NDST4: variants seen among roughly 807,000 people sequenced by gnomAD.
NDST4 encodes N-heparan sulfate sulfotransferase 4.
In NDST4, 63 loss-of-function variants were observed where a neutral mutation model predicts 100.8. The observed-to-expected ratio is 0.62, with a 90% CI of 0.51 to 0.77. The LOEUF (loss-of-function observed/expected upper bound fraction) is 0.77. Ranked by LOEUF, NDST4 falls within the 30% of genes least tolerant of loss-of-function variation. NDST4 has a pLI of 0.00. For missense variants in NDST4, 943 were observed against 1,018.4 expected, an observed-to-expected ratio of 0.93 and a Z score of 1.01; for synonymous variants, 377 against 361.8, an observed-to-expected ratio of 1.04 and a Z score of -0.48.
chr4:114,995,862 A>G (rs1348608150), intron 2 of NDST4, among the ~76,000 whole-genome samples: 1 of 152,072 alleles, frequency 6.6e-6, no homozygotes, highest in African/African-American at 2.4e-5. Context: ...AGTTTCCTGA[A>G]CCTTAGTTTT....
intron 6 of NDST4, among the ~76,000 whole-genome samples, chr4:114,906,812 T>A (rs182767282): frequency 2.0e-5 from 3 of 152,054 alleles, no homozygotes; most frequent in Admixed American, 2.0e-4. Flanking sequence ...CTTAAAGGTA[T>A]CTAGATCCAG....
At chr4:114,855,078 T>G (rs1421892415) in intron 7 of NDST4, among the ~76,000 whole-genome samples, 1 of 152,222 alleles carries the variant, frequency 6.6e-6, no homozygotes, top group Non-Finnish European at 1.5e-5. Flanking sequence ...TTGTATATCT[T>G]CTTTTGAGAA....
At chr4:114,953,028 T>TTTC (rs1726055722) in intron 4 of NDST4, among the ~76,000 whole-genome samples, 1 of 151,148 alleles carries the variant, frequency 6.6e-6, no homozygotes, top group Admixed American at 6.6e-5. Context: ...TTCTTTTTTT[T>TTTC]TTTCTTTTTT....
At chr4:114,965,238 G>A (rs1417440309) in intron 4 of NDST4, among the ~76,000 whole-genome samples, 1 of 151,936 alleles carries the variant, frequency 6.6e-6, no homozygotes, top group East Asian at 1.9e-4. Flanking sequence ...ATACTGTAAA[G>A]CATTGTCAAC....
In NDST4 at chr4:114,864,762, T is replaced by C. The variant is rs187494174; in HGVS notation, c.1719+6006A>G. ...AGAACTCCTGTAGCACTTAATAGAC[T>C]GATTTGTCAAACTTTGCTACAAAGT... On this transcript the variant is annotated intron_variant, in intron 7 of 13. Coordinates refer to ENST00000264363, the MANE Select transcript of NDST4 (RefSeq NM_022569.3). 1.6e-3 allele frequency among the ~76,000 whole-genome samples: 244 copies of C among 152,274 alleles called. 1 individual carries two copies. Among genetic ancestry groups the C allele is most frequent in the Admixed American group, 2.7e-3 (41 of 15,302 alleles).
intron 4 of NDST4, among the ~76,000 whole-genome samples, chr4:114,947,921 A>T (rs1016621865): frequency 6.6e-6 from 1 of 152,038 alleles, no homozygotes; most frequent in Non-Finnish European, 1.5e-5. Context: ...ATGCCTGTGT[A>T]TGTGAAGAAG....
At chr4:114,987,501 C>T (rs1025054292) in intron 2 of NDST4, among the ~76,000 whole-genome samples, 1 of 152,080 alleles carries the variant, frequency 6.6e-6, no homozygotes, top group African/African-American at 2.4e-5. Flanking sequence ...CCTTCTTCTT[C>T]AAGTGATTAT....
chr4:114,935,238 C>A lies in NDST4; in HGVS notation c.1504G>T (p.Gly502Cys). ...AGAAGGATTGTGAGAAAAAGTTCAC[C>A]TCCTCTGATACTTTTATCCAGTTCT... ...PQELDKSIRG[G>C]ELFLTILLNP... The change falls in exon 6 of 14, where the codon GGT (glycine) becomes TGT (cysteine). Residue 502 changes from glycine (G) to cysteine (C), a missense_variant. Physicochemically the swap from Gly to Cys is radical, Grantham distance 159. Around this residue, in one of 2 missense-constraint regions of NDST4, gnomAD observed 526 missense variants for 634.1 expected, o/e 0.83. Transcript: ENST00000264363. 1 of 1,607,434 alleles carries A rather than the reference C, an allele frequency of 6.2e-7. No individual in the cohort carries two copies. The highest frequency in any genetic ancestry group is 8.5e-7 in the Non-Finnish European group (1 of 1,176,962).
chr4:114,972,229 G>T (rs1028236977), intron 3 of NDST4, among the ~76,000 whole-genome samples: 3 of 151,922 alleles, frequency 2.0e-5, no homozygotes, highest in Admixed American at 2.0e-4. Flanking sequence ...ATTTAACAAA[G>T]TCAGTAGATT....
intron 7 of NDST4, among the ~76,000 whole-genome samples, chr4:114,862,079 C>A (rs893237673): frequency 5.9e-5 from 9 of 152,000 alleles, no homozygotes; most frequent in South Asian, 4.1e-4. Flanking sequence ...TGCTACAACC[C>A]AATACTTAAG....
intron 6 of NDST4, among the ~76,000 whole-genome samples, chr4:114,886,310 T>C (rs1724476029): frequency 6.6e-6 from 1 of 152,154 alleles, no homozygotes; most frequent in Non-Finnish European, 1.5e-5. Context: ...TGCTGAGATA[T>C]GTCGCTGTCC....
chr4:115,037,329 T>C (rs1270946615), intron 2 of NDST4, among the ~76,000 whole-genome samples: 1 of 152,040 alleles, frequency 6.6e-6, no homozygotes, highest in African/African-American at 2.4e-5. Flanking sequence ...TAGATGGTAT[T>C]TTAGTTGGAC....
intron 2 of NDST4, among the ~76,000 whole-genome samples, chr4:114,996,739 C>T (rs977744029): frequency 6.6e-6 from 1 of 152,050 alleles, no homozygotes; most frequent in Non-Finnish European, 1.5e-5. Context: ...ATTAAAATTT[C>T]ATTCGGTATG....
intron 4 of NDST4, among the ~76,000 whole-genome samples, chr4:114,962,078 G>A (rs1042667857): frequency 1.4e-4 from 22 of 151,962 alleles, no homozygotes; most frequent in African/African-American, 5.1e-4. Context: ...GAGAATAAAG[G>A]AGGAAAAAGT....
At chr4:114,886,204 A>G (rs540556020) in intron 6 of NDST4, among the ~76,000 whole-genome samples, 2 of 152,270 alleles carry the variant, frequency 1.3e-5, no homozygotes, top group African/African-American at 4.8e-5. Flanking sequence ...GGTCATTGGC[A>G]GACAGTTTTT....
intron 4 of NDST4, among the ~76,000 whole-genome samples, chr4:114,946,542 C>T (rs1039312204): frequency 6.6e-5 from 10 of 152,138 alleles, no homozygotes; most frequent in Non-Finnish European, 1.3e-4. Flanking sequence ...GCTATACAGA[C>T]TATTTGAGAA....
chr4:114,974,655 C>T (rs2126242764), intron 3 of NDST4, among the ~76,000 whole-genome samples: 1 of 152,212 alleles, frequency 6.6e-6, no homozygotes, highest in South Asian at 2.1e-4. Context: ...AAACTCCGTG[C>T]TTTTATTTTT....
intron 2 of NDST4, among the ~76,000 whole-genome samples, chr4:115,045,517 A>C (rs1285903765): frequency 6.6e-6 from 1 of 152,144 alleles, no homozygotes; most frequent in Non-Finnish European, 1.5e-5. Flanking sequence ...GTTTTCTGGT[A>C]CAGAGGTTTC....
intron 4 of NDST4, among the ~76,000 whole-genome samples, chr4:114,939,838 T>C (rs976812375): frequency 2.6e-5 from 4 of 152,186 alleles, no homozygotes; most frequent in African/African-American, 9.6e-5. Context: ...TAAAATAGTA[T>C]ATCACACTAT....
Sources: gnomAD v4.1 joint callset for allele counts (sites outside exome capture counted in the v4.1 genomes callset) on GRCh38, gnomAD v4.1.1 for gene constraint, gnomAD v4.1.1 regional missense constraint, MANE v1.5 for transcripts, NCBI Gene and HGNC (gene_info 2026-07-23, HGNC 2026-07-21) for gene names.